YTHDF3: variants seen among roughly 807,000 people sequenced by gnomAD.
YTHDF3 encodes YTH domain-containing family protein 3.
In YTHDF3, 9 loss-of-function variants were observed where a neutral mutation model predicts 52.5. The observed-to-expected ratio is 0.17, with a 90% CI of 0.10 to 0.30. YTHDF3 has a LOEUF of 0.30. YTHDF3 is among the 10% of genes least tolerant of loss of function. The pLI, the probability that YTHDF3 is intolerant of heterozygous loss-of-function variation, is 1.00. For missense variants in YTHDF3, 534 were observed against 715.0 expected (o/e 0.75, Z 2.89); for synonymous variants, 274 against 243.3 (o/e 1.13, Z -1.18).
chr8:63,170,536 T>G (rs1221563654), intron 2 of YTHDF3, among the ~76,000 whole-genome samples: 1 of 152,180 alleles, frequency 6.6e-6, no homozygotes, highest in Non-Finnish European at 1.5e-5. Context: ...TAAAATTTCA[T>G]TTCTAGAATT....
intron 2 of YTHDF3, chr8:63,172,903 G>A (rs1807423047): frequency 1.1e-6 from 1 of 937,252 alleles, no homozygotes; most frequent in African/African-American, 1.7e-5. Flanking sequence ...ACATTAGCTT[G>A]TCATTAAGTA....
At chr8:63,199,104 A>G (rs138892727) in intron 4 of YTHDF3, among the ~76,000 whole-genome samples, 180 of 152,300 alleles carry the variant, frequency 1.2e-3, no homozygotes, top group African/African-American at 4.1e-3. Flanking sequence ...TAGAATTGGA[A>G]AGGGGGTGCT....
rs117444834 is a variant in YTHDF3 at position 63,189,726 on chromosome 8, A to G, written c.1734+1981A>G. Reference sequence around the variant, plus strand: ...TTTATTGAAATTGCAGATTCTCGAGACCCATCCCTTGGTATATTTGATAAA... The same window carrying G: ...TTTATTGAAATTGCAGATTCTCGAGGCCCATCCCTTGGTATATTTGATAAA... On this transcript the variant is annotated intron_variant, in intron 4 of 4. Coordinates refer to ENST00000539294, the MANE Select transcript of YTHDF3 (RefSeq NM_152758.6). 6.7e-3 allele frequency among the ~76,000 whole-genome samples: 1,018 copies of G among 152,260 alleles called. 6 individuals carry two copies. The highest frequency in any genetic ancestry group is 0.011 in the Non-Finnish European group (749 of 68,010).
chr8:63,195,650 T>C (rs966070633), intron 4 of YTHDF3, among the ~76,000 whole-genome samples: 1 of 151,896 alleles, frequency 6.6e-6, no homozygotes, highest in Non-Finnish European at 1.5e-5. Context: ...AACAGATAAA[T>C]ATTTTCAGAT....
chr8:63,190,676 A>G (rs554315860), intron 4 of YTHDF3, among the ~76,000 whole-genome samples: 1 of 152,298 alleles, frequency 6.6e-6, no homozygotes, highest in South Asian at 2.1e-4. Flanking sequence ...TAAGGCAAAT[A>G]CCAACCTGTA....
chr8:63,173,756 C>G, intron 2 of YTHDF3: 1 of 909,174 alleles, frequency 1.1e-6, no homozygotes, highest in African/African-American at 1.8e-5. Context: ...AAGGCACCCT[C>G]TTTATTTTGG....
chr8:63,170,899 A>G (rs531102280), intron 2 of YTHDF3, among the ~76,000 whole-genome samples: 1 of 152,296 alleles, frequency 6.6e-6, no homozygotes, highest in East Asian at 1.9e-4. Context: ...AGTTTGATTT[A>G]TGAGTGGTCA....
chr8:63,171,208 T>C (rs1807300901), intron 2 of YTHDF3, among the ~76,000 whole-genome samples: 1 of 152,200 alleles, frequency 6.6e-6, no homozygotes. Flanking sequence ...TAATACTGCC[T>C]TTGGCTACTG....
At chr8:63,181,262 T>A (rs555347743) in intron 3 of YTHDF3, among the ~76,000 whole-genome samples, 13 of 152,174 alleles carry the variant, frequency 8.5e-5, no homozygotes, top group Non-Finnish European at 1.8e-4. Context: ...TATTCATTAG[T>A]TTTGTCTATT....
intron 2 of YTHDF3, among the ~76,000 whole-genome samples, chr8:63,171,062 A>C (rs1040283342): frequency 6.6e-6 from 1 of 152,200 alleles, no homozygotes; most frequent in African/African-American, 2.4e-5. Context: ...AGTTGTATTC[A>C]GACACATACA....
At chr8:63,173,485 G>A (rs760773591) in intron 2 of YTHDF3, among the ~76,000 whole-genome samples, 23 of 151,980 alleles carry the variant, frequency 1.5e-4, no homozygotes, top group Non-Finnish European at 2.4e-4. Flanking sequence ...GGCACTTTTT[G>A]TATTTGTATG....
chr8:63,200,293 T>G (rs1365856710), intron 4 of YTHDF3, among the ~76,000 whole-genome samples: 1 of 152,108 alleles, frequency 6.6e-6, no homozygotes, highest in African/African-American at 2.4e-5. Context: ...GAGAGGGCAA[T>G]AGAGTAAGCT....
Position 63,170,811 on chromosome 8 carries a change from G to A in YTHDF3, c.49+1400G>A, listed in dbSNP as rs944371737. On this transcript the variant is annotated intron_variant, in intron 2 of 4. Coordinates refer to ENST00000539294, the MANE Select transcript of YTHDF3 (RefSeq NM_152758.6). ...AGTGTTTTATGTTACCCGCTTTAAG[G>A]TAAGTACACAAGTTCTATGAGGTAC... is the stretch of plus-strand genomic sequence containing the variant. 5.3e-5 allele frequency among the ~76,000 whole-genome samples: 8 copies of A among 152,028 alleles called. No homozygotes were observed. In the South Asian group the frequency reaches 6.2e-4, roughly 12 times the overall value.
chr8:63,200,180 AGCC>A (rs1809512767), intron 4 of YTHDF3, among the ~76,000 whole-genome samples: 1 of 152,084 alleles, frequency 6.6e-6, no homozygotes, highest in Non-Finnish European at 1.5e-5. Flanking sequence ...TTGGACTAAG[AGCC>A]TCAGTTCCTT....
At chr8:63,206,291 G>A (rs932561462) in intron 4 of YTHDF3, among the ~76,000 whole-genome samples, 1 of 151,972 alleles carries the variant, frequency 6.6e-6, no homozygotes, top group Non-Finnish European at 1.5e-5. Flanking sequence ...TTGAACCCCC[G>A]ACCTCAGGTG....
At chr8:63,185,345 A>G (rs529129165) in intron 3 of YTHDF3, among the ~76,000 whole-genome samples, 3 of 152,054 alleles carry the variant, frequency 2.0e-5, no homozygotes, top group Non-Finnish European at 4.4e-5. Flanking sequence ...AGTATAGTGA[A>G]GGTTGATTTA....
intron 3 of YTHDF3, among the ~76,000 whole-genome samples, chr8:63,180,495 C>G (rs1407497794): frequency 6.7e-6 from 1 of 148,512 alleles, no homozygotes; most frequent in Non-Finnish European, 1.5e-5. Context: ...CCAGACTGGG[C>G]AGCCAGGCAG....
intron 4 of YTHDF3, among the ~76,000 whole-genome samples, chr8:63,188,357 G>T (rs1808666877): frequency 6.6e-6 from 1 of 150,686 alleles, no homozygotes; most frequent in East Asian, 1.9e-4. Context: ...TTCAGACAGG[G>T]TCTCTCTTGT....
At chr8:63,175,276 T>C (rs1807611417) in intron 2 of YTHDF3, 55 bp from the exon 3 acceptor site, 1 of 1,298,430 alleles carries the variant, frequency 7.7e-7, no homozygotes, top group Non-Finnish European at 1.1e-6. Context: ...CATTAGGTTG[T>C]GCTGCGAGTT....
Sources: allele counts gnomAD v4.1 joint callset (sites outside exome capture counted in the v4.1 genomes callset), GRCh38; gene constraint gnomAD v4.1.1; transcripts MANE v1.5; gene names NCBI Gene and HGNC (gene_info 2026-07-23, HGNC 2026-07-21).